The following CUX1 variants were observed in gnomAD, a reference collection of about 807,000 sequenced individuals.
CUX1 encodes the protein cut like homeobox 1, also known as protein CASP.
CUX1 carries 31 observed loss-of-function variants against 158.8 expected under a neutral mutation model. That is an observed-to-expected ratio of 0.20 (90% CI 0.15 to 0.26). The LOEUF (loss-of-function observed/expected upper bound fraction) is 0.26. CUX1 is among the 10% of genes least tolerant of loss of function. CUX1 has a pLI of 1.00. For synonymous variants in CUX1, 879 were observed against 862.1 expected, an observed-to-expected ratio of 1.02 and a Z score of -0.34; for missense variants, 1,589 against 2,014.6, an observed-to-expected ratio of 0.79 and a Z score of 4.04.
At position 101,845,939 on chromosome 7, in the gene CUX1, C is replaced by G. The variant is rs549212547; in HGVS notation, c.30+28270C>G. ...AGGGGAATCGCTTGACCCCAGGAGT[C>G]GGAGATTTCAGTGAGCCGAGATTGC... On this transcript the variant is annotated intron_variant, in intron 1 of 23. Transcript: ENST00000292535. Among the ~76,000 whole-genome samples the G allele has an allele frequency of 6.6e-4, 100 of 151,548 alleles. 3 individuals are homozygous for G. Among genetic ancestry groups the G allele is most frequent in the Non-Finnish European group, 2.1e-4 (14 of 67,952 alleles).
intron 2 of CUX1, among the ~76,000 whole-genome samples, chr7:101,919,004 C>G (rs953266313): frequency 6.6e-6 from 1 of 152,234 alleles, no homozygotes; most frequent in Non-Finnish European, 1.5e-5. Context: ...GTCTCGAACT[C>G]CTGACCTCAG....
chr7:101,829,362 C>T (rs1276519658), intron 1 of CUX1, among the ~76,000 whole-genome samples: 5 of 152,096 alleles, frequency 3.3e-5, no homozygotes, highest in Non-Finnish European at 5.9e-5. Flanking sequence ...TTTTTGTGCA[C>T]TAACAGTAAT....
Position 102,256,067 on chromosome 7 carries a change from T to A in CUX1, c.*7025T>A, listed in dbSNP as rs1006905991. On this transcript the variant is annotated 3_prime_UTR_variant, in exon 24 of 24. Transcript: ENST00000292535. ...GGGAAAACAGGCCTCCCCGACTCCC[T>A]CCAGTCTCCCAGCCTGCCTCTTGGT... 2.0e-6 allele frequency: 2 copies of A among 985,322 alleles called. No individual in the cohort carries two copies. Among genetic ancestry groups the A allele is most frequent in the Admixed American group, 6.1e-5 (1 of 16,264 alleles). The allele number at this position is 985,322 out of a possible 1,614,324, so 61.0% of individuals were successfully genotyped here. A position where few individuals can be genotyped will look rare whatever the true frequency, so the allele number is the denominator to read the frequency against.
At position 102,252,932 on chromosome 7, in the gene CUX1, G is replaced by A; in HGVS notation, c.*3890G>A. ...GCGTCTCCTGGGACAGGATTGGGGT[G>A]ACAGCCCAGGGATGCATGCATGGGA... On this transcript the variant is annotated 3_prime_UTR_variant, in exon 24 of 24. Coordinates refer to ENST00000292535, the MANE Select transcript of CUX1 (RefSeq NM_181552.4). 2 of 985,484 alleles carry A rather than the reference G, an allele frequency of 2.0e-6. No homozygotes were observed. The highest frequency in any genetic ancestry group is 2.4e-6 in the Non-Finnish European group (2 of 829,954). The allele number at this position is 985,484 out of a possible 1,614,324, so 61.0% of individuals were successfully genotyped here.
chr7:102,032,989 G>A, intron 3 of CUX1, among the ~76,000 whole-genome samples: 1 of 152,220 alleles, frequency 6.6e-6, no homozygotes, highest in East Asian at 1.9e-4. Context: ...CTCTCCCTGA[G>A]AAGGGGCGTG....
chr7:102,105,260 A>T (rs1302464827), intron 6 of CUX1, among the ~76,000 whole-genome samples: 2 of 151,024 alleles, frequency 1.3e-5, no homozygotes, highest in African/African-American at 4.9e-5. Flanking sequence ...CACACACACA[A>T]TCTCAGTGGG....
At chr7:102,111,603 A>T in intron 6 of CUX1, 95 bp from the exon 7 acceptor site, 1 of 1,135,130 alleles carries the variant, frequency 8.8e-7, no homozygotes, top group Non-Finnish European at 1.3e-6. Flanking sequence ...CCGCCAGCTG[A>T]GCGCAGGGAG....
At chr7:102,203,117 C>T (rs1795616303) in intron 18 of CUX1, among the ~76,000 whole-genome samples, 1 of 152,184 alleles carries the variant, frequency 6.6e-6, no homozygotes, top group Non-Finnish European at 1.5e-5. Flanking sequence ...CGAGTGCCCA[C>T]CACCACACCC....
At chr7:102,044,744 C>G (rs766765080) in intron 3 of CUX1, among the ~76,000 whole-genome samples, 1 of 152,054 alleles carries the variant, frequency 6.6e-6, no homozygotes, top group East Asian at 1.9e-4. Context: ...GGTTCCTAGA[C>G]GCCCACAAGC....
At chr7:102,001,386 C>T (rs1259990144) in intron 2 of CUX1, among the ~76,000 whole-genome samples, 1 of 152,188 alleles carries the variant, frequency 6.6e-6, no homozygotes, top group Non-Finnish European at 1.5e-5. Context: ...CTCTCTTGCC[C>T]AGGCTGGAGT....
chr7:101,882,027 A>G (rs2131565475), intron 1 of CUX1, among the ~76,000 whole-genome samples: 1 of 151,834 alleles, frequency 6.6e-6, no homozygotes, highest in African/African-American at 2.4e-5. Flanking sequence ...AAAAATAAAA[A>G]AAAAAAATCA....
At chr7:102,097,307 G>A (rs571246660) in intron 4 of CUX1, 57 bp from the exon 5 acceptor site, 51 of 1,566,116 alleles carry the variant, frequency 3.3e-5, no homozygotes, top group East Asian at 2.7e-4. Flanking sequence ...GTGTACCGCC[G>A]TGGAGGGGGC....
intron 3 of CUX1, among the ~76,000 whole-genome samples, chr7:102,062,249 A>T (rs552498988): frequency 1.9e-4 from 29 of 152,314 alleles, no homozygotes; most frequent in African/African-American, 7.0e-4. Flanking sequence ...GTCACGTGGC[A>T]GTGGGCAGCG....
At chr7:102,012,320 T>C (rs1818130547) in intron 2 of CUX1, among the ~76,000 whole-genome samples, 1 of 152,124 alleles carries the variant, frequency 6.6e-6, no homozygotes, top group African/African-American at 2.4e-5. Context: ...CCCAAGTAGC[T>C]GGGACTATAG....
rs139150568 is a variant in CUX1 at position 102,098,475 on chromosome 7, G to T, written c.406+974G>T. On this transcript the variant is annotated intron_variant, in intron 5 of 23. Coordinates refer to ENST00000292535, the MANE Select transcript of CUX1 (RefSeq NM_181552.4). ...GAACATCAGAAATTAGCTGGGCATGGTGGTGCACACCCGTGGTCCCAGCCA... is the reference window on the plus strand; with the variant it reads ...GAACATCAGAAATTAGCTGGGCATGTTGGTGCACACCCGTGGTCCCAGCCA... Among the ~76,000 whole-genome samples the T allele has an allele frequency of 4.4e-3, 667 of 152,200 alleles. 7 individuals are homozygous for T. The highest frequency in any genetic ancestry group is 0.015 in the African/African-American group (631 of 41,544).
chr7:102,107,980 T>C (rs1830541397), intron 6 of CUX1, among the ~76,000 whole-genome samples: 2 of 152,184 alleles, frequency 1.3e-5, no homozygotes, highest in Non-Finnish European at 2.9e-5. Flanking sequence ...CTCGGACAGA[T>C]GGGCAGACCC....
At position 101,925,268 on chromosome 7, in the gene CUX1, C is replaced by T. The variant is rs538891088; in HGVS notation, c.141+9043C>T. ...GGACTACAGGCATGTGCCACTGTGC[C>T]CAGATAATTTTTTTGTATTTTTCAT... On this transcript the variant is annotated intron_variant, in intron 2 of 23. Transcript: ENST00000292535. Among the ~76,000 whole-genome samples, 3 of 152,270 alleles carry T rather than the reference C, an allele frequency of 2.0e-5. No individual in the cohort carries two copies. The East Asian group carries it at 5.8e-4, about 29-fold the overall frequency.
At chr7:102,220,571 G>A (rs1478636146) in intron 20 of CUX1, among the ~76,000 whole-genome samples, 5 of 152,134 alleles carry the variant, frequency 3.3e-5, no homozygotes, top group Middle Eastern at 3.2e-3. Flanking sequence ...GTCTTCTGAA[G>A]CTGTCAGCAC....
intron 22 of CUX1, among the ~76,000 whole-genome samples, chr7:102,237,516 G>A (rs1489502899): frequency 2.6e-5 from 4 of 152,034 alleles, no homozygotes; most frequent in South Asian, 2.1e-4. Context: ...TCCTAGGCTC[G>A]AGCAATCCTC....
Sources: gnomAD v4.1 joint callset for allele counts (sites outside exome capture counted in the v4.1 genomes callset) on GRCh38, gnomAD v4.1.1 for gene constraint, MANE v1.5 for transcripts, NCBI Gene and HGNC (gene_info 2026-07-23, HGNC 2026-07-21) for gene names.